The following TNFRSF1B variants were observed in gnomAD, a reference collection of about 807,000 sequenced individuals.
TNFRSF1B encodes the protein TNF receptor superfamily member 1B.
A neutral mutation model predicts 44.6 loss-of-function variants in TNFRSF1B; 19 were observed. The ratio of observed to expected loss-of-function variants is 0.43; its 90% CI spans 0.30 to 0.62. The LOEUF is 0.62. TNFRSF1B is among the 20% of genes least tolerant of loss of function. The probability of loss-of-function intolerance (pLI) is 0.16; values close to 1 mark genes in which losing one functional copy is unlikely to be tolerated. For synonymous variants in TNFRSF1B, 252 were observed against 261.1 expected (o/e 0.97, Z 0.34); for missense variants, 541 against 619.9 (o/e 0.87, Z 1.35).
Position 12,193,060 on chromosome 1 carries a change from C to G in TNFRSF1B, c.749C>G (p.Pro250Arg). ...CTGCTCCCAATGGGCCCCAGCCCCC[C>G]AGCTGAAGGGAGCACTGGCGACTTC... ...SFLLPMGPSP[P>R]AEGSTGDFAL... The change falls in exon 6 of 10, where the codon CCA becomes CGA. Residue 250 changes from proline (P) to arginine (R), a missense_variant. Coordinates refer to ENST00000376259, the MANE Select transcript of TNFRSF1B (RefSeq NM_001066.3). The G allele has an allele frequency of 1.2e-6, 2 of 1,614,188 alleles. No homozygotes were observed. Among genetic ancestry groups the G allele is most frequent in the Non-Finnish European group, 8.5e-7 (1 of 1,180,030 alleles).
chr1:12,176,460 C>T (rs1413300311), intron 1 of TNFRSF1B, among the ~76,000 whole-genome samples: 1 of 152,202 alleles, frequency 6.6e-6, no homozygotes, highest in Non-Finnish European at 1.5e-5. Context: ...CCATCAGCCC[C>T]AGGAGGTATG....
rs770565472 is a variant in TNFRSF1B, at chr1:12,191,063, C to T, written c.285C>T (p.Ser95=). The T allele has an allele frequency of 1.9e-6, 3 of 1,614,174 alleles. No homozygotes were observed. Among genetic ancestry groups the T allele is most frequent in the East Asian group, 2.2e-5 (1 of 44,888 alleles). ...GGAACTGGGTTCCCGAGTGCTTGAG[C>T]TGTGGCTCCCGCTGTAGCTCTGGTG... ...QLWNWVPECL[S]CGSRCSSDQV... The change falls in exon 3 of 10, where the codon AGC becomes AGT. Residue 95 remains serine (S), a synonymous_variant. Transcript: ENST00000376259.
Position 12,207,176 on chromosome 1 carries a change from C to G in TNFRSF1B, c.*156C>G. The G allele has an allele frequency of 1.4e-6, 1 of 716,758 alleles. No individual in the cohort carries two copies. The highest frequency in any genetic ancestry group is 3.0e-5 in the South Asian group (1 of 33,760). 44.4% of individuals were successfully genotyped at this position (716,758 alleles called of 1,614,324 possible). ...AGTGCCCTCCACAGCCGCAGCCTCC[C>G]TCTGACCTGCAGGCCAAGAGCAGAG... On this transcript the variant is annotated 3_prime_UTR_variant, in exon 10 of 10. Transcript: ENST00000376259.
rs936608537 is a variant in TNFRSF1B, at chr1:12,168,633, C to T, written c.78+1464C>T. Among the ~76,000 whole-genome samples, 1 of 152,124 alleles carries T rather than the reference C, an allele frequency of 6.6e-6. No individual in the cohort carries two copies. Among genetic ancestry groups the T allele is most frequent in the African/African-American group, 2.4e-5 (1 of 41,412 alleles). On this transcript the variant is annotated intron_variant, in intron 1 of 9. Coordinates refer to ENST00000376259, the MANE Select transcript of TNFRSF1B (RefSeq NM_001066.3). The surrounding 1 kb of genome is among the most constrained non-coding windows in gnomAD (Gnocchi z 4.7). ...GGAGAGGGGTGTCAGGCACAGGGCTCAGCAGGACACCAGGCTGCAGTCCTG... is the reference window on the plus strand; with the variant it reads ...GGAGAGGGGTGTCAGGCACAGGGCTTAGCAGGACACCAGGCTGCAGTCCTG...
intron 9 of TNFRSF1B, among the ~76,000 whole-genome samples, chr1:12,206,130 G>A (rs1639496940): frequency 6.6e-6 from 1 of 152,152 alleles, no homozygotes; most frequent in Non-Finnish European, 1.5e-5. Context: ...GCTCACACCT[G>A]TAATCTCAGC....
intron 8 of TNFRSF1B, among the ~76,000 whole-genome samples, chr1:12,198,830 A>G (rs1457420990): frequency 6.6e-6 from 1 of 151,782 alleles, no homozygotes; most frequent in East Asian, 1.9e-4. Context: ...AGCTGGGACT[A>G]CAGGCACCCA....
intron 1 of TNFRSF1B, among the ~76,000 whole-genome samples, chr1:12,172,385 A>G (rs1327037101): frequency 6.6e-6 from 1 of 152,230 alleles, no homozygotes; most frequent in Non-Finnish European, 1.5e-5. Flanking sequence ...TATCTGTAAA[A>G]TGGGAGTAAT....
At chr1:12,204,932 C>G (rs1351183962) in intron 9 of TNFRSF1B, among the ~76,000 whole-genome samples, 1 of 151,920 alleles carries the variant, frequency 6.6e-6, no homozygotes, top group Non-Finnish European at 1.5e-5. Context: ...CTCAGTACTT[C>G]AGGAGGCCAA....
At chr1:12,182,806 G>C (rs1638840818) in intron 1 of TNFRSF1B, among the ~76,000 whole-genome samples, 1 of 152,258 alleles carries the variant, frequency 6.6e-6, no homozygotes, top group East Asian at 1.9e-4. Context: ...AGGAGCAACA[G>C]GGTGGGGGTC....
chr1:12,193,958 T>C lies in TNFRSF1B; in HGVS notation c.791T>C (p.Leu264Pro), dbSNP rs2229700. ...TGAGCTTCTCTTTTCTTTCTAGGAC[T>C]GATTGTGGGTGTGACAGCCTTGGGT... Reference protein sequence around the residue: ...STGDFALPVGLIVGVTALGLL... With the variant: ...STGDFALPVGPIVGVTALGLL... Residue 264 changes from leucine (L) to proline (P), a missense_variant, in exon 7 of 10, where the codon CTG (leucine) becomes CCG (proline). Leu to Pro is a moderately conservative substitution (Grantham distance 98). Transcript: ENST00000376259. 1.3e-3 allele frequency: 2,172 copies of C among 1,613,712 alleles called. 31 individuals are homozygous for C. The African/African-American group carries it at 0.025, about 18-fold the overall frequency.
At position 12,191,101 on chromosome 1, in the gene TNFRSF1B, GA is replaced by G; in HGVS notation, c.307+21del. 1.2e-6 allele frequency: 2 copies of G among 1,609,984 alleles called. No individual in the cohort carries two copies. Among genetic ancestry groups the G allele is most frequent in the Non-Finnish European group, 1.7e-6 (2 of 1,177,684 alleles). ...TGTAGCTCTGGTGAGTAGGTTCAGAGAAAAAGGGGGCCCTTACACCCCTGCC... is the reference window on the plus strand; with the variant it reads ...TGTAGCTCTGGTGAGTAGGTTCAGAGAAAAGGGGGCCCTTACACCCCTGCC... On this transcript the variant is annotated intron_variant, in intron 3 of 9. Coordinates refer to ENST00000376259, the MANE Select transcript of TNFRSF1B (RefSeq NM_001066.3).
Position 12,183,826 on chromosome 1 carries a change from C to CCTATCTATCTATCTAT in TNFRSF1B, c.79-4958_79-4943dup, listed in dbSNP as rs111395466. 2.3e-3 allele frequency among the ~76,000 whole-genome samples: 290 copies of CCTATCTATCTATCTAT among 124,444 alleles called. 5 individuals carry two copies. Among genetic ancestry groups the CCTATCTATCTATCTAT allele is most frequent in the African/African-American group, 7.5e-3 (253 of 33,786 alleles). 81.6% of individuals were successfully genotyped at this position (124,444 alleles called of 152,430 possible). A position where few individuals can be genotyped will look rare whatever the true frequency, so the allele number is the denominator to read the frequency against. ...TCTAGCTATCTATCTATTCTATCTA[C>CCTATCTATCTATCTAT]CTATCTATCTATCTATCTATCTATC... On this transcript the variant is annotated intron_variant, in intron 1 of 9. Transcript: ENST00000376259.
rs1437949730 is a variant in TNFRSF1B at position 12,178,673 on chromosome 1, C to G, written c.79-10123C>G. ...GAAAGAAGCTGAGAAGTCAGCACTGCCAGGTCGGGGGTGGCGGGTCAGGAC... is the reference window on the plus strand; with the variant it reads ...GAAAGAAGCTGAGAAGTCAGCACTGGCAGGTCGGGGGTGGCGGGTCAGGAC... On this transcript the variant is annotated intron_variant, in intron 1 of 9. Coordinates refer to ENST00000376259, the MANE Select transcript of TNFRSF1B (RefSeq NM_001066.3). The surrounding 1 kb of genome is among the most constrained non-coding windows in gnomAD (Gnocchi z 4.3). Among the ~76,000 whole-genome samples, 1 of 152,142 alleles carries G rather than the reference C, an allele frequency of 6.6e-6. No individual in the cohort carries two copies. The highest frequency in any genetic ancestry group is 2.4e-5 in the African/African-American group (1 of 41,440).
intron 9 of TNFRSF1B, among the ~76,000 whole-genome samples, 198 bp downstream of exon 9, chr1:12,202,369 C>T (rs5746054): frequency 0.17 from 25,541 of 152,248 alleles, 2,601 homozygotes; most frequent in Non-Finnish European, 0.23. Context: ...AAAATCCTCC[C>T]TTCTGTGGGA....
rs1477405469 is a variant in TNFRSF1B at position 12,190,976 on chromosome 1, C to T, written c.198C>T (p.Phe66=). 3.0e-5 allele frequency: 48 copies of T among 1,613,962 alleles called. No individual in the cohort carries two copies. Among genetic ancestry groups the T allele is most frequent in the Non-Finnish European group, 4.1e-5 (48 of 1,179,978 alleles). ...KCSPGQHAKV[F]CTKTSDTVCD... Reference sequence around the variant, plus strand: ...CCTCAGGCCAACATGCAAAAGTCTTCTGTACCAAGACCTCGGACACCGTGT... The same window carrying T: ...CCTCAGGCCAACATGCAAAAGTCTTTTGTACCAAGACCTCGGACACCGTGT... The change falls in exon 3 of 10, where the codon TTC becomes TTT. Residue 66 remains phenylalanine (F), a synonymous_variant. Transcript: ENST00000376259.
At chr1:12,192,276 C>CT in intron 4 of TNFRSF1B, 155 bp from the exon 5 acceptor site, 1 of 687,892 alleles carries the variant, frequency 1.5e-6, no homozygotes, top group East Asian at 2.8e-5. Context: ...GTACAGGCAT[C>CT]TGTGTGTGTG....
intron 1 of TNFRSF1B, among the ~76,000 whole-genome samples, chr1:12,185,842 C>T (rs1233543056): frequency 6.6e-6 from 1 of 152,166 alleles, no homozygotes; most frequent in African/African-American, 2.4e-5. Context: ...AAAGGGTAAC[C>T]CCCAGCCTGC....
At chr1:12,205,021 TAAAA>T (rs950953280) in intron 9 of TNFRSF1B, among the ~76,000 whole-genome samples, 2 of 145,100 alleles carry the variant, frequency 1.4e-5, no homozygotes, top group Non-Finnish European at 3.0e-5. Context: ...ACTAAAAAAA[TAAAA>T]AAAAAAGTCC....
At chr1:12,190,327 C>T (rs1227390236) in intron 2 of TNFRSF1B, among the ~76,000 whole-genome samples, 1 of 151,976 alleles carries the variant, frequency 6.6e-6, no homozygotes, top group East Asian at 1.9e-4. Flanking sequence ...GGCATAATGG[C>T]AGGCACCTGT....
Sources: allele counts gnomAD v4.1 joint callset (sites outside exome capture counted in the v4.1 genomes callset), GRCh38; gene constraint gnomAD v4.1.1; non-coding constraint Gnocchi (gnomAD v3.1); transcripts MANE v1.5; gene names NCBI Gene and HGNC (gene_info 2026-07-23, HGNC 2026-07-21).